Variants in SYTL5 observed in about 807,000 individuals in gnomAD.
SYTL5 encodes synaptotagmin-like protein 5.
SYTL5 carries 34 observed loss-of-function variants against 55.9 expected under a neutral mutation model. That is an observed-to-expected ratio of 0.61 (90% CI 0.46 to 0.81). SYTL5 has a LOEUF of 0.81. Among genes scored for constraint, SYTL5 ranks in the 30% least tolerant of loss-of-function variants. SYTL5 has a pLI of 0.00. For synonymous variants in SYTL5, 221 were observed against 188.7 expected, an observed-to-expected ratio of 1.17 and a Z score of -1.40; for missense variants, 637 against 546.7, an observed-to-expected ratio of 1.17 and a Z score of -1.65.
At chrX:37,955,778 G>A in the SYTL5 span, among the ~76,000 whole-genome samples, 1 of 111,780 alleles carries the variant, frequency 8.9e-6, no homozygotes, top group Non-Finnish European at 1.9e-5. Context: ...TTGGGCTTTG[G>A]TAAGGACTCC....
intron 14 of SYTL5, among the ~76,000 whole-genome samples, chrX:38,121,799 A>G (rs758370063): frequency 2.7e-5 from 3 of 112,458 alleles, no homozygotes; most frequent in Non-Finnish European, 5.6e-5. Context: ...ATGCCTTTAT[A>G]CCCTGTGAAA....
the SYTL5 span, among the ~76,000 whole-genome samples, chrX:37,893,534 G>T: frequency 1.2e-5 from 1 of 83,745 alleles, no homozygotes; most frequent in African/African-American, 4.6e-5. Flanking sequence ...TCTATCTATA[G>T]ATAATATATA....
At chrX:37,920,128 G>A in the SYTL5 span, among the ~76,000 whole-genome samples, 10 of 111,497 alleles carry the variant, frequency 9.0e-5, no homozygotes, top group Middle Eastern at 4.6e-3. Context: ...GTGGATTTGC[G>A]CATTCAATCA....
At chrX:38,097,880 G>GAAA (rs796241632) in intron 9 of SYTL5, among the ~76,000 whole-genome samples, 1 of 88,808 alleles carries the variant, frequency 1.1e-5, no homozygotes. Flanking sequence ...TGAGATTCCA[G>GAAA]AAAAAAAAAA....
At chrX:38,053,995 A>G (rs1337680487) in intron 2 of SYTL5, among the ~76,000 whole-genome samples, 1 of 112,047 alleles carries the variant, frequency 8.9e-6, no homozygotes, top group African/African-American at 3.2e-5. Context: ...GTCCTTCCAA[A>G]TGAAAATATC....
the SYTL5 span, among the ~76,000 whole-genome samples, chrX:37,938,464 CTTG>C: frequency 8.9e-6 from 1 of 112,302 alleles, no homozygotes; most frequent in Non-Finnish European, 1.9e-5. Context: ...ACTATATCTC[CTTG>C]TTGTTCATAA....
chrX:38,053,042 T>A (rs779993359), intron 2 of SYTL5, among the ~76,000 whole-genome samples: 1 of 112,658 alleles, frequency 8.9e-6, no homozygotes, highest in South Asian at 3.7e-4. Context: ...TCAGTATTTT[T>A]AAAATCTTTC....
chrX:37,953,948 A>C, the SYTL5 span, among the ~76,000 whole-genome samples: 3 of 111,987 alleles, frequency 2.7e-5, no homozygotes, highest in African/African-American at 9.7e-5. Context: ...AGATTTGTTT[A>C]TAGGCTGAGA....
At chrX:38,073,978 A>C (rs997208029) in intron 5 of SYTL5, among the ~76,000 whole-genome samples, 1 of 111,890 alleles carries the variant, frequency 8.9e-6, no homozygotes, top group Non-Finnish European at 1.9e-5. Context: ...TATAAGTAGA[A>C]AGTTTCATGC....
the SYTL5 span, among the ~76,000 whole-genome samples, chrX:37,937,205 G>A: frequency 9.0e-6 from 1 of 110,847 alleles, no homozygotes; most frequent in African/African-American, 3.3e-5. Flanking sequence ...TGTTACAGCT[G>A]TGTTACTTCA....
At chrX:38,043,688 T>TAC (rs1555924877) in intron 2 of SYTL5, among the ~76,000 whole-genome samples, 9 of 64,961 alleles carry the variant, frequency 1.4e-4, no homozygotes, top group African/African-American at 2.5e-4. Context: ...TATATATATA[T>TAC]ATACATATAT....
intron 3 of SYTL5, among the ~76,000 whole-genome samples, chrX:38,069,015 T>G (rs1173233609): frequency 7.1e-5 from 8 of 111,906 alleles, no homozygotes; most frequent in Non-Finnish European, 1.3e-4. Flanking sequence ...ATTTTGATTT[T>G]TTTCAACCAT....
In SYTL5 at chrX:38,073,669, G is replaced by A. The variant is rs775238271; in HGVS notation, c.525G>A (p.Lys175=). ...ACACTTCACCTGTTGCTGGGAAGAAGGCCAGCCATGATGGGCCCAAGAGAA... is the reference window on the plus strand; with the variant it reads ...ACACTTCACCTGTTGCTGGGAAGAAAGCCAGCCATGATGGGCCCAAGAGAA... ...KSDTSPVAGK[K]ASHDGPKRKG... The change falls in exon 5 of 17, where the codon AAG becomes AAA. Residue 175 remains lysine (K), a synonymous_variant. Transcript: ENST00000297875. 9.2e-6 allele frequency: 11 copies of A among 1,196,161 alleles called. No individual in the cohort carries two copies. Among genetic ancestry groups the A allele is most frequent in the East Asian group, 6.0e-5 (2 of 33,502 alleles).
rs74314259 is a variant in SYTL5, at chrX:38,101,824, C to CAA, written c.1063-506_1063-505dup. On this transcript the variant is annotated intron_variant, in intron 9 of 16. Transcript: ENST00000297875. The stretch of plus-strand genomic sequence containing the variant: ...AAAATACATCACTTAAATAACTAGG[C>CAA]AAAAAAAAAAAAAGCCATTTTATCA... Among the ~76,000 whole-genome samples, 547 of 67,567 alleles carry CAA rather than the reference C, an allele frequency of 8.1e-3. 6 individuals carry two copies. Among genetic ancestry groups the CAA allele is most frequent in the African/African-American group, 0.024 (518 of 21,383 alleles). The allele number at this position is 67,567 out of a possible 115,157, so 58.7% of individuals were successfully genotyped here. A position where few individuals can be genotyped will look rare whatever the true frequency, so the allele number is the denominator to read the frequency against.
At chrX:38,000,807 C>A in the SYTL5 span, among the ~76,000 whole-genome samples, 2 of 111,494 alleles carry the variant, frequency 1.8e-5, no homozygotes, top group Non-Finnish European at 3.8e-5. Context: ...GGAGTGGGAA[C>A]GTGGTTTTCC....
chrX:37,991,184 G>T, the SYTL5 span: 1 of 1,208,456 alleles, frequency 8.3e-7, no homozygotes, highest in Non-Finnish European at 1.1e-6. Context: ...AATCCAGGAA[G>T]AATGACTGAA....
the SYTL5 span, among the ~76,000 whole-genome samples, chrX:37,932,698 A>AT: frequency 8.9e-6 from 1 of 111,912 alleles, no homozygotes; most frequent in East Asian, 2.8e-4. Context: ...AAAAATAATT[A>AT]TTTTATTTTG....
At chrX:37,968,373 C>A in the SYTL5 span, among the ~76,000 whole-genome samples, 1 of 111,460 alleles carries the variant, frequency 9.0e-6, no homozygotes, top group South Asian at 3.8e-4. Context: ...ATGTTCTGAT[C>A]CCAGGAAGCC....
rs151213228 is a variant in SYTL5, at chrX:38,013,259, G to A, written c.-357+6591G>A. ...TTTTCTTTCAAGTGAATTCCCATCT[G>A]ACTCTTATTGTTCTTGTGAATAATA... On this transcript the variant is annotated intron_variant, in intron 1 of 16. Coordinates refer to ENST00000297875, the MANE Select transcript of SYTL5 (RefSeq NM_138780.3). Among the ~76,000 whole-genome samples the A allele has an allele frequency of 6.8e-4, 76 of 112,260 alleles. No individual in the cohort carries two copies. In the East Asian group the frequency reaches 0.016, roughly 23 times the overall value.
Sources: gnomAD v4.1 joint callset for allele counts (sites outside exome capture counted in the v4.1 genomes callset) on GRCh38, gnomAD v4.1.1 for gene constraint, MANE v1.5 for transcripts, NCBI Gene and HGNC (gene_info 2026-07-23, HGNC 2026-07-21) for gene names.